The following MYH7 variants were observed in gnomAD, a reference collection of about 807,000 sequenced individuals.
MYH7 encodes the protein myosin heavy chain 7, also known as myosin-7.
Under a neutral mutation model 225.4 loss-of-function variants are expected in MYH7, and 129 were observed. The ratio of observed to expected loss-of-function variants is 0.57; its 90% CI spans 0.50 to 0.66. The LOEUF (loss-of-function observed/expected upper bound fraction) is 0.66. Ranked by LOEUF, MYH7 falls within the 30% of genes least tolerant of loss-of-function variation. The probability of loss-of-function intolerance (pLI) is 0.00; values close to 1 mark genes in which losing one functional copy is unlikely to be tolerated. For missense variants in MYH7, 1,649 were observed against 2,517.0 expected, an observed-to-expected ratio of 0.66 and a Z score of 7.38; for synonymous variants, 971 against 1,007.6, an observed-to-expected ratio of 0.96 and a Z score of 0.69.
intron 30 of MYH7, 105 bp from the exon 31 acceptor site, chr14:23,417,791 G>T (rs1447473303): frequency 6.8e-7 from 1 of 1,462,464 alleles, no homozygotes; most frequent in Non-Finnish European, 9.4e-7. Flanking sequence ...AACCTCAGAA[G>T]TGTAGCTGGA....
chr14:23,415,345 C>T lies in MYH7; in HGVS notation c.5283+36G>A. On this transcript the variant is annotated intron_variant, in intron 36 of 39. Transcript: ENST00000355349. The surrounding 1 kb of genome is among the most constrained non-coding windows in gnomAD (Gnocchi z 6.3). ...TTGCTGCCCAGCCCACGGAGAGACA[C>T]TGGTCTGGATCGGGTCGGTGGAGTG... 4.3e-6 allele frequency: 7 copies of T among 1,614,244 alleles called. No individual in the cohort carries two copies. The highest frequency in any genetic ancestry group is 5.9e-6 in the Non-Finnish European group (7 of 1,180,044).
In MYH7 at chr14:23,428,955, A is replaced by G. The variant is rs112172952; in HGVS notation, c.1407T>C (p.Asp469=). ...VLDIAGFEIF[D]FNSFEQLCIN... is the part of the protein sequence containing the mutation. ...CCCACTCCCAGGGGTCCCAACTCAC[A>G]TCGAAGATCTCGAAGCCAGCGATGT... The change falls in exon 14 of 40, where the codon GAT becomes GAC. Residue 469 remains aspartate, a splice_region_variant and synonymous_variant. Coordinates refer to ENST00000355349, the MANE Select transcript of MYH7 (RefSeq NM_000257.4). 2.5e-5 allele frequency: 41 copies of G among 1,614,206 alleles called. No individual in the cohort carries two copies. The highest frequency in any genetic ancestry group is 2.4e-4 in the African/African-American group (18 of 75,044).
At chr14:23,421,207 G>A (rs933826388) in intron 25 of MYH7, among the ~76,000 whole-genome samples, 159 bp from the exon 26 acceptor site, 4 of 152,128 alleles carry the variant, frequency 2.6e-5, no homozygotes, top group African/African-American at 9.7e-5. Context: ...TAACACCTGC[G>A]GTGAGATTGA....
At chr14:23,420,367 G>A (rs1485686149) in intron 26 of MYH7, 133 bp from the exon 27 acceptor site, 14 of 1,514,808 alleles carry the variant, frequency 9.2e-6, no homozygotes, top group Middle Eastern at 4.6e-4. Context: ...GGGAATTAAA[G>A]GATTTGGGGA....
Position 23,417,605 on chromosome 14 carries a change from G to A in MYH7, c.4251C>T (p.Thr1417=), listed in dbSNP as rs763934978. The change falls in exon 31 of 40, where the codon ACC becomes ACT. Residue 1417 remains threonine (T), a synonymous_variant. Coordinates refer to ENST00000355349, the MANE Select transcript of MYH7 (RefSeq NM_000257.4). The part of the protein sequence containing the change: ...VNAKCSSLEK[T]KHRLQNEIED... ...CGATCTCATTCTGTAGCCGGTGCTT[G>A]GTCTTCTCCAGCGAGGAGCACTTGG... 6.2e-7 allele frequency: 1 copy of A among 1,612,828 alleles called. No individual in the cohort carries two copies. The highest frequency in any genetic ancestry group is 1.7e-5 in the Admixed American group (1 of 60,022).
In MYH7 at chr14:23,425,554, G is replaced by A; in HGVS notation, c.2287-136C>T. 2.5e-6 allele frequency: 4 copies of A among 1,574,230 alleles called. No homozygotes were observed. Among genetic ancestry groups the A allele is most frequent in the African/African-American group, 1.3e-5 (1 of 74,314 alleles). Reference sequence around the variant, plus strand: ...TCAATGGCAGCTGGAGCTGGGATGAGGGGAGTGGTGCTAGATGTTCCACTG... The same window carrying A: ...TCAATGGCAGCTGGAGCTGGGATGAAGGGAGTGGTGCTAGATGTTCCACTG... On this transcript the variant is annotated intron_variant, in intron 20 of 39. Transcript: ENST00000355349. This position sits in a 1 kb window ranked among gnomAD's most constrained non-coding sequence, Gnocchi z 4.6.
rs778224065 is a variant in MYH7 at position 23,414,109 on chromosome 14, G to A, written c.5560-7C>T. On this transcript the variant is annotated splice_polypyrimidine_tract_variant and splice_region_variant and intron_variant, in intron 37 of 39. Coordinates refer to ENST00000355349, the MANE Select transcript of MYH7 (RefSeq NM_000257.4). ...TTTTCCTGTCCTCCTCCGTCTGGGG[G>A]CCAGAGGGTAGGCAGGGGGTGAAGA... 4.7e-5 allele frequency: 75 copies of A among 1,610,758 alleles called. No individual in the cohort carries two copies. Among genetic ancestry groups the A allele is most frequent in the Non-Finnish European group, 5.3e-5 (63 of 1,179,634 alleles).
At chr14:23,430,817 GGCAT>G in intron 10 of MYH7, 80 bp downstream of exon 10, 1 of 1,304,008 alleles carries the variant, frequency 7.7e-7, no homozygotes, top group Non-Finnish European at 1.1e-6. Flanking sequence ...TGAAACCCAG[GGCAT>G]GCCAGCTGAG....
Position 23,431,428 on chromosome 14 carries a change from G to A in MYH7, c.786C>T (p.Asp262=), listed in dbSNP as rs1222713557. The A allele has an allele frequency of 2.5e-6, 4 of 1,614,158 alleles. No individual in the cohort carries two copies. The highest frequency in any genetic ancestry group is 3.4e-6 in the Non-Finnish European group (4 of 1,179,974). The change falls in exon 9 of 40, where the codon GAC becomes GAT. Residue 262 remains aspartate, a synonymous_variant. Transcript: ENST00000355349. ...FGATGKLASA[D]IETYLLEKSR... is the part of the protein sequence containing the mutation. ...ATTCATGGCACTCACAGGTCTCTAT[G>A]TCTGCAGATGCCAACTTTCCTGTTG...
intron 15 of MYH7, 56 bp downstream of exon 15, chr14:23,428,444 A>T (rs1460448005): frequency 5.8e-5 from 94 of 1,611,114 alleles, no homozygotes; most frequent in Non-Finnish European, 7.9e-5. Context: ...TATTTTGTCT[A>T]TGGTGTTCTT....
intron 15 of MYH7, 74 bp downstream of exon 15, chr14:23,428,426 G>C (rs1892783334): frequency 1.2e-6 from 2 of 1,604,428 alleles, no homozygotes; most frequent in Non-Finnish European, 1.7e-6. Flanking sequence ...AGAAGGGAGA[G>C]GGGCTGCTAT....
In MYH7 at chr14:23,425,450, G is replaced by C; in HGVS notation, c.2287-32C>G. 6.2e-7 allele frequency: 1 copy of C among 1,614,048 alleles called. No individual in the cohort carries two copies. Among genetic ancestry groups the C allele is most frequent in the South Asian group, 1.1e-5 (1 of 91,080 alleles). On this transcript the variant is annotated intron_variant, in intron 20 of 39. Coordinates refer to ENST00000355349, the MANE Select transcript of MYH7 (RefSeq NM_000257.4). The surrounding 1 kb of genome is among the most constrained non-coding windows in gnomAD (Gnocchi z 4.6). The stretch of plus-strand genomic sequence containing the variant: ...GCAAGGTGTGTGTTGGCCATGACTA[G>C]GGAGGGGTACGAGGGAAAGAGATGG...
At chr14:23,413,672 G>T in intron 39 of MYH7, 87 bp downstream of exon 39, 1 of 1,572,692 alleles carries the variant, frequency 6.4e-7, no homozygotes, top group Non-Finnish European at 8.7e-7. Context: ...TGGAATAAAT[G>T]AAAAGGAAGC....
At chr14:23,427,449 C>T in intron 16 of MYH7, 136 bp downstream of exon 16, 1 of 1,463,570 alleles carries the variant, frequency 6.8e-7, no homozygotes, top group Non-Finnish European at 9.4e-7. Flanking sequence ...GTTTCTTCAC[C>T]CAGTTCCATC....
rs1466322212 is a variant in MYH7 at position 23,424,896 on chromosome 14, G to A, written c.2552C>T (p.Ser851Phe). 3 of 1,614,184 alleles carry A rather than the reference G, an allele frequency of 1.9e-6. No homozygotes were observed. Among genetic ancestry groups the A allele is most frequent in the Non-Finnish European group, 2.5e-6 (3 of 1,180,020 alleles). The change falls in exon 22 of 40, where the codon TCC (serine) becomes TTC (phenylalanine). Residue 851 changes from serine (S) to phenylalanine (F), a missense_variant. Physicochemically the swap from Ser to Phe is radical, Grantham distance 155. Around this residue, in one of 12 missense-constraint regions of MYH7, gnomAD observed 282 missense variants for 315.3 expected, o/e 0.89. Coordinates refer to ENST00000355349, the MANE Select transcript of MYH7 (RefSeq NM_000257.4). ...GAGGCGTGTGAACTCCTCCTTCATG[G>A]AGGCCATCTCCTTCTCTCTTTCTGC... is the stretch of plus-strand genomic sequence containing the variant. The part of the protein sequence containing the change: ...KSAEREKEMA[S>F]MKEEFTRLKE...
intron 10 of MYH7, 42 bp downstream of exon 10, chr14:23,430,859 T>A: frequency 6.8e-7 from 1 of 1,480,584 alleles, no homozygotes; most frequent in Non-Finnish European, 9.4e-7. Context: ...GGGACCAGGT[T>A]GCCATGGAGA....
chr14:23,434,615 C>G (rs992754926), intron 1 of MYH7, among the ~76,000 whole-genome samples: 20 of 152,228 alleles, frequency 1.3e-4, no homozygotes, highest in Admixed American at 3.9e-4. Flanking sequence ...AATGCACTTT[C>G]TCCTACTCAG....
chr14:23,429,757 A>G lies in MYH7; in HGVS notation c.1138+18T>C, dbSNP rs768283529. The G allele has an allele frequency of 6.2e-7, 1 of 1,611,486 alleles. No individual in the cohort carries two copies. The highest frequency in any genetic ancestry group is 8.5e-7 in the Non-Finnish European group (1 of 1,179,968). ...CTCCATGACTTGACAGCTGCCCCCAAGAATCCCTGCCTCCCACCTTCAGTG... is the reference window on the plus strand; with the variant it reads ...CTCCATGACTTGACAGCTGCCCCCAGGAATCCCTGCCTCCCACCTTCAGTG... On this transcript the variant is annotated intron_variant, in intron 12 of 39. Transcript: ENST00000355349.
chr14:23,434,456 T>C (rs981966345), intron 1 of MYH7, among the ~76,000 whole-genome samples: 3 of 152,230 alleles, frequency 2.0e-5, no homozygotes, highest in African/African-American at 7.2e-5. Flanking sequence ...AGCTTCCTGG[T>C]GTCAACTCAA....
Sources: gnomAD v4.1 joint callset for allele counts (sites outside exome capture counted in the v4.1 genomes callset) on GRCh38, gnomAD v4.1.1 for gene constraint, gnomAD v4.1.1 regional missense constraint, Gnocchi (gnomAD v3.1) non-coding constraint, MANE v1.5 for transcripts, NCBI Gene and HGNC (gene_info 2026-07-23, HGNC 2026-07-21) for gene names.